The following NINJ2 variants were observed in gnomAD, a reference collection of about 807,000 sequenced individuals.
NINJ2 encodes the protein ninjurin 2.
Under a neutral mutation model 11.7 loss-of-function variants are expected in NINJ2, and 12 were observed. That is an observed-to-expected ratio of 1.02 (90% CI 0.66 to 1.66). The LOEUF is 1.66. NINJ2 is among the 40% of genes most tolerant of loss of function. The probability of loss-of-function intolerance (pLI) is 0.00; values close to 1 mark genes in which losing one functional copy is unlikely to be tolerated. For missense variants in NINJ2, 187 were observed against 181.8 expected (o/e 1.03, Z -0.16); for synonymous variants, 93 against 76.8 (o/e 1.21, Z -1.10).
chr12:643,114 C>T (rs1379567895), intron 1 of NINJ2: 3 of 154,240 alleles, frequency 1.9e-5, no homozygotes, highest in Non-Finnish European at 1.5e-5. Context: ...GGCGCCTTCC[C>T]CTCGGGACCC....
chr12:583,834 G>A (rs940917200), intron 1 of NINJ2, among the ~76,000 whole-genome samples: 1 of 152,152 alleles, frequency 6.6e-6, no homozygotes, highest in East Asian at 1.9e-4. Context: ...TAGCTGCATG[G>A]CTTGGGAGCT....
At chr12:588,167 C>CGGAAGGGACGGAAGGGAG (rs1565625928) in intron 1 of NINJ2, among the ~76,000 whole-genome samples, 7 of 128,072 alleles carry the variant, frequency 5.5e-5, no homozygotes, top group East Asian at 2.5e-4. Context: ...AGGGAAGGGA[C>CGGAAGGGACGGAAGGGAG]GGAAGGGACG....
intron 1 of NINJ2, among the ~76,000 whole-genome samples, chr12:656,985 C>T (rs1040587060): frequency 2.0e-5 from 3 of 152,152 alleles, no homozygotes; most frequent in African/African-American, 7.2e-5. Flanking sequence ...CTTCCACCCT[C>T]TACAAGAATT....
At chr12:568,875 C>T (rs1253011197) in intron 1 of NINJ2, among the ~76,000 whole-genome samples, 3 of 30,058 alleles carry the variant, frequency 1.0e-4, no homozygotes, top group South Asian at 1.7e-3. Flanking sequence ...GCTGTGAGGA[C>T]ACCCCCCCCC....
At chr12:615,959 A>G (rs1042357617) in intron 1 of NINJ2, among the ~76,000 whole-genome samples, 6 of 152,238 alleles carry the variant, frequency 3.9e-5, no homozygotes, top group African/African-American at 1.4e-4. Context: ...GAGCTAGAAT[A>G]TCATTCCAGG....
rs1947627130 is a variant in NINJ2, at chr12:585,641, A to T, written c.34-19463T>A. On this transcript the variant is annotated intron_variant, in intron 1 of 3. Transcript: ENST00000305108. The surrounding 1 kb of genome is among the most constrained non-coding windows in gnomAD (Gnocchi z 4.1). ...TGCGGATGAGTCAGCAGCATCGATT[A>T]AGCACCCACTGTGTGCAATGTCCTG... 6.6e-6 allele frequency among the ~76,000 whole-genome samples: 1 copy of T among 152,216 alleles called. No individual in the cohort carries two copies. Among genetic ancestry groups the T allele is most frequent in the African/African-American group, 2.4e-5 (1 of 41,450 alleles).
At chr12:661,870 T>C (rs1190001248) in intron 1 of NINJ2, among the ~76,000 whole-genome samples, 2 of 152,214 alleles carry the variant, frequency 1.3e-5, no homozygotes, top group African/African-American at 4.8e-5. Flanking sequence ...ACAAATGTTT[T>C]CTAAAGCAAT....
chr12:605,233 C>T (rs1464493510), intron 1 of NINJ2, among the ~76,000 whole-genome samples: 2 of 152,190 alleles, frequency 1.3e-5, no homozygotes, highest in African/African-American at 4.8e-5. Flanking sequence ...CTGGCAGGCT[C>T]GGCTGTGCAT....
chr12:657,190 T>A (rs574458461), intron 1 of NINJ2, among the ~76,000 whole-genome samples: 2 of 152,196 alleles, frequency 1.3e-5, no homozygotes, highest in Non-Finnish European at 2.9e-5. Flanking sequence ...TGAAAGGCAA[T>A]GTCAACAGAA....
At chr12:565,470 C>A in intron 2 of NINJ2, 69 bp from the exon 3 acceptor site, 1 of 1,497,602 alleles carries the variant, frequency 6.7e-7, no homozygotes, top group Non-Finnish European at 9.1e-7. Context: ...CCCCACAACA[C>A]CCACCAGAGT....
intron 1 of NINJ2, among the ~76,000 whole-genome samples, chr12:592,319 G>A (rs970528620): frequency 6.6e-6 from 1 of 152,138 alleles, no homozygotes; most frequent in Non-Finnish European, 1.5e-5. Context: ...GAGTGGACCC[G>A]TCACGGTACA....
chr12:617,053 A>G (rs1948099599), intron 1 of NINJ2, among the ~76,000 whole-genome samples: 1 of 152,182 alleles, frequency 6.6e-6, no homozygotes, highest in Admixed American at 6.5e-5. Flanking sequence ...TAAAAATACA[A>G]AAATTAGCCA....
intron 1 of NINJ2, among the ~76,000 whole-genome samples, chr12:600,750 T>C (rs957248256): frequency 1.3e-5 from 2 of 151,272 alleles, no homozygotes; most frequent in East Asian, 3.9e-4. Context: ...GGTGTCATCA[T>C]AGCTCACGGC....
rs762703224 is a variant in NINJ2 at position 628,021 on chromosome 12, G to A, written c.33+35307C>T. 1.3e-5 allele frequency among the ~76,000 whole-genome samples: 2 copies of A among 152,198 alleles called. No individual in the cohort carries two copies. The highest frequency in any genetic ancestry group is 1.5e-5 in the Non-Finnish European group (1 of 68,034). ...GCCGCATCCTCCCCGCCCTGCCCCC[G>A]GCTCCTCTTTCACACCCTGTGCCAG... On this transcript the variant is annotated intron_variant, in intron 1 of 3. Coordinates refer to ENST00000305108, the MANE Select transcript of NINJ2 (RefSeq NM_016533.6). This position sits in a 1 kb window ranked among gnomAD's most constrained non-coding sequence, Gnocchi z 4.4.
At chr12:631,988 G>A (rs141790065) in intron 1 of NINJ2, among the ~76,000 whole-genome samples, 98 of 152,240 alleles carry the variant, frequency 6.4e-4, no homozygotes, top group African/African-American at 2.2e-3. Flanking sequence ...ATGCAGATGA[G>A]AAGATAACCA....
rs1309992179 is a variant in NINJ2 at position 640,184 on chromosome 12, G to A, written c.33+23144C>T. Among the ~76,000 whole-genome samples, 1 of 152,252 alleles carries A rather than the reference G, an allele frequency of 6.6e-6. No homozygotes were observed. Among genetic ancestry groups the A allele is most frequent in the South Asian group, 2.1e-4 (1 of 4,836 alleles). ...CTCACAAAAGCAGGAAAGCTGAGCA[G>A]TCAGTCACATGATTACCAAGGTATT... On this transcript the variant is annotated intron_variant, in intron 1 of 3. Transcript: ENST00000305108. This position sits in a 1 kb window ranked among gnomAD's most constrained non-coding sequence, Gnocchi z 4.0.
At chr12:595,626 G>A (rs1947774980) in intron 1 of NINJ2, among the ~76,000 whole-genome samples, 1 of 152,182 alleles carries the variant, frequency 6.6e-6, no homozygotes. Flanking sequence ...GTTGGTGCAT[G>A]CCTGTAATCC....
intron 1 of NINJ2, among the ~76,000 whole-genome samples, chr12:593,450 T>G (rs1377750007): frequency 6.6e-6 from 1 of 152,130 alleles, no homozygotes; most frequent in Non-Finnish European, 1.5e-5. Context: ...GAAGCTCCCA[T>G]CTTCATCACA....
At position 581,912 on chromosome 12, in the gene NINJ2, G is replaced by A. The variant is rs1176945633; in HGVS notation, c.34-15734C>T. On this transcript the variant is annotated intron_variant, in intron 1 of 3. Coordinates refer to ENST00000305108, the MANE Select transcript of NINJ2 (RefSeq NM_016533.6). This position sits in a 1 kb window ranked among gnomAD's most constrained non-coding sequence, Gnocchi z 4.9. ...AGGTGTCCTGAGAACCAGATTCTCC[G>A]CGGACGCTGAACACACAAAAAGCCC... is the stretch of plus-strand genomic sequence containing the variant. Among the ~76,000 whole-genome samples the A allele has an allele frequency of 1.3e-5, 2 of 152,242 alleles. No individual in the cohort carries two copies. The highest frequency in any genetic ancestry group is 2.1e-4 in the South Asian group (1 of 4,820).
Sources: gnomAD v4.1 joint callset for allele counts (sites outside exome capture counted in the v4.1 genomes callset) on GRCh38, gnomAD v4.1.1 for gene constraint, Gnocchi (gnomAD v3.1) non-coding constraint, MANE v1.5 for transcripts, NCBI Gene and HGNC (gene_info 2026-07-23, HGNC 2026-07-21) for gene names.